The following ETV1 variants were observed in gnomAD, a reference collection of about 807,000 sequenced individuals.
ETV1 encodes the protein ETS variant transcription factor 1, also known as ETS translocation variant 1.
In ETV1, 27 loss-of-function variants were observed where a neutral mutation model predicts 62.3. The ratio of observed to expected loss-of-function variants is 0.43; its 90% CI spans 0.32 to 0.60. The LOEUF (loss-of-function observed/expected upper bound fraction) is 0.60. ETV1 is among the 20% of genes least tolerant of loss of function. The pLI, the probability that ETV1 is intolerant of heterozygous loss-of-function variation, is 0.06. For synonymous variants in ETV1, 222 were observed against 199.6 expected, an observed-to-expected ratio of 1.11 and a Z score of -0.94; for missense variants, 605 against 605.8, an observed-to-expected ratio of 1.00 and a Z score of 0.01.
chr7:13,893,534 T>C lies in ETV1; in HGVS notation c.*2332A>G, dbSNP rs1583533929. On this transcript the variant is annotated 3_prime_UTR_variant, in exon 14 of 14. Transcript: ENST00000430479. Reference sequence around the variant, plus strand: ...TATATAACTAATACCATTTCTGCCATTGTTCTCTTGTGATAACGTTAGCAT... The same window carrying C: ...TATATAACTAATACCATTTCTGCCACTGTTCTCTTGTGATAACGTTAGCAT... The C allele has an allele frequency of 1.3e-5, 3 of 231,802 alleles. No individual in the cohort carries two copies. The highest frequency in any genetic ancestry group is 2.6e-5 in the Non-Finnish European group (3 of 117,284). The allele number at this position is 231,802 out of a possible 1,614,324, so 14.4% of individuals were successfully genotyped here.
chr7:13,963,948 C>G (rs142402083), intron 6 of ETV1, among the ~76,000 whole-genome samples: 1 of 152,094 alleles, frequency 6.6e-6, no homozygotes, highest in Non-Finnish European at 1.5e-5. Flanking sequence ...GAAAATAGAG[C>G]TTTCACAAAG....
intron 9 of ETV1, among the ~76,000 whole-genome samples, chr7:13,914,610 C>G (rs1360661965): frequency 1.7e-5 from 2 of 119,098 alleles, no homozygotes; most frequent in Non-Finnish European, 3.5e-5. Context: ...AATACGCAGA[C>G]AAGAAACTAA....
intron 5 of ETV1, among the ~76,000 whole-genome samples, chr7:13,984,202 C>A (rs779768531): frequency 1.3e-5 from 2 of 151,888 alleles, no homozygotes; most frequent in Non-Finnish European, 2.9e-5. Context: ...GATTAACTGC[C>A]AATGATCTTT....
chr7:13,970,838 A>G (rs188118829), intron 6 of ETV1, among the ~76,000 whole-genome samples: 80 of 152,270 alleles, frequency 5.3e-4, no homozygotes, highest in African/African-American at 1.7e-3. Context: ...CAAATTATTC[A>G]GTCAGGGTCT....
chr7:13,954,739 T>C (rs1333847667), intron 6 of ETV1, among the ~76,000 whole-genome samples: 1 of 152,186 alleles, frequency 6.6e-6, no homozygotes, highest in Non-Finnish European at 1.5e-5. Context: ...GAAGTACACC[T>C]GCAGCATTCT....
chr7:13,952,329 T>C (rs1344722231), intron 6 of ETV1, among the ~76,000 whole-genome samples: 1 of 152,152 alleles, frequency 6.6e-6, no homozygotes, highest in Non-Finnish European at 1.5e-5. Flanking sequence ...TACTTACTGA[T>C]GTAAGAGAGA....
At chr7:13,942,618 C>T (rs1787684847) in intron 6 of ETV1, among the ~76,000 whole-genome samples, 1 of 152,108 alleles carries the variant, frequency 6.6e-6, no homozygotes, top group African/African-American at 2.4e-5. Context: ...GTGTTCTCAT[C>T]ATCTAGCTCC....
rs1415643271 is a variant in ETV1 at position 13,896,096 on chromosome 7, A to C, written c.1213-9T>G. The C allele has an allele frequency of 6.2e-7, 1 of 1,607,690 alleles. No individual in the cohort carries two copies. Among genetic ancestry groups the C allele is most frequent in the African/African-American group, 1.3e-5 (1 of 74,816 alleles). On this transcript the variant is annotated splice_polypyrimidine_tract_variant and intron_variant, in intron 13 of 13. Coordinates refer to ENST00000430479, the MANE Select transcript of ETV1 (RefSeq NM_004956.5). ...TATCTCTCTCCAGCCACCTGATGAT[A>C]ACATGGAAGAGAAAAACCCATCCTC...
At chr7:13,929,231 G>A (rs898211727) in intron 9 of ETV1, among the ~76,000 whole-genome samples, 8 of 152,082 alleles carry the variant, frequency 5.3e-5, no homozygotes, top group Non-Finnish European at 1.0e-4. Flanking sequence ...ACCAGTGGAC[G>A]ATACAAAAGG....
intron 5 of ETV1, chr7:13,985,421 A>T (rs1023988885): frequency 1.3e-5 from 2 of 152,178 alleles, no homozygotes; most frequent in Admixed American, 1.3e-4. Context: ...AACTTTAAAG[A>T]TTGATAAAGA....
chr7:13,959,838 A>C (rs1282830957), intron 6 of ETV1, among the ~76,000 whole-genome samples: 1 of 145,880 alleles, frequency 6.9e-6, no homozygotes, highest in African/African-American at 2.5e-5. Flanking sequence ...AGCCAAGATA[A>C]CACCACTGCC....
chr7:13,977,391 C>A (rs750052776), intron 6 of ETV1, 36 bp downstream of exon 6: 2 of 1,385,908 alleles, frequency 1.4e-6, no homozygotes, highest in South Asian at 2.7e-5. Context: ...ACCAGAAAGA[C>A]AGAAAAATAC....
chr7:13,966,392 G>C (rs73052213), intron 6 of ETV1, among the ~76,000 whole-genome samples: 3,753 of 152,256 alleles, frequency 0.025, 49 homozygotes, highest in Middle Eastern at 0.041. Flanking sequence ...CAGCACAGTA[G>C]GGGGCCAAGG....
Position 13,941,621 on chromosome 7 carries a change from A to G in ETV1, c.236-2375T>C, listed in dbSNP as rs561693391. On this transcript the variant is annotated intron_variant, in intron 6 of 13. Transcript: ENST00000430479. Reference sequence around the variant, plus strand: ...TACGGTGGCTCACACCTGTAATCCCAGCTCTTTGGGAGGTCAATGTGGGGA... The same window carrying G: ...TACGGTGGCTCACACCTGTAATCCCGGCTCTTTGGGAGGTCAATGTGGGGA... Among the ~76,000 whole-genome samples, 3 of 152,292 alleles carry G rather than the reference A, an allele frequency of 2.0e-5. No homozygotes were observed. In the South Asian group the frequency reaches 6.2e-4, roughly 32 times the overall value.
intron 6 of ETV1, among the ~76,000 whole-genome samples, chr7:13,944,997 T>C (rs1223567252): frequency 7.9e-5 from 12 of 152,168 alleles, no homozygotes; most frequent in Admixed American, 3.9e-4. Context: ...AGGCAGGGAA[T>C]AGATTCCCTC....
intron 10 of ETV1, 62 bp downstream of exon 10, chr7:13,911,177 A>G: frequency 1.8e-6 from 2 of 1,104,730 alleles, no homozygotes; most frequent in Non-Finnish European, 1.4e-6. Context: ...ATGACGTCAT[A>G]TTTGGGATGT....
chr7:13,952,997 C>T (rs956477334), intron 6 of ETV1, among the ~76,000 whole-genome samples: 4 of 152,148 alleles, frequency 2.6e-5, no homozygotes, highest in African/African-American at 9.7e-5. Flanking sequence ...AGGATAAGAA[C>T]AGGGAAAGGA....
intron 9 of ETV1, among the ~76,000 whole-genome samples, chr7:13,927,089 A>G (rs532909883): frequency 1.3e-5 from 2 of 152,290 alleles, no homozygotes; most frequent in South Asian, 4.1e-4. Flanking sequence ...TAAGCAATAA[A>G]GAGTTCTAAA....
chr7:13,916,116 G>A (rs1289377975), intron 9 of ETV1, among the ~76,000 whole-genome samples: 5 of 152,146 alleles, frequency 3.3e-5, no homozygotes, highest in African/African-American at 9.7e-5. Flanking sequence ...ATCCTGACAA[G>A]GGAGTGATGA....
Sources: allele counts gnomAD v4.1 joint callset (sites outside exome capture counted in the v4.1 genomes callset), GRCh38; gene constraint gnomAD v4.1.1; transcripts MANE v1.5; gene names NCBI Gene and HGNC (gene_info 2026-07-23, HGNC 2026-07-21).